Variants in IGF2BP1 observed in about 807,000 individuals in gnomAD.
IGF2BP1 encodes insulin like growth factor 2 mRNA binding protein 1.
In IGF2BP1, 11 loss-of-function variants were observed where a neutral mutation model predicts 74.9. The ratio of observed to expected loss-of-function variants is 0.15; its 90% CI spans 0.09 to 0.24. The LOEUF (loss-of-function observed/expected upper bound fraction) is 0.24, where lower values mean the gene tolerates loss of function less well. IGF2BP1 is among the 10% of genes least tolerant of loss of function. The probability of loss-of-function intolerance (pLI) is 1.00; values close to 1 mark genes in which losing one functional copy is unlikely to be tolerated. For missense variants in IGF2BP1, 440 were observed against 757.4 expected (o/e 0.58, Z 4.92); for synonymous variants, 287 against 281.8 (o/e 1.02, Z -0.18).
chr17:48,997,670 TGGCCTA>T lies in IGF2BP1; in HGVS notation c.-73_-68del. Reference sequence around the variant, plus strand: ...TCCTGCCGCCGGCCTCTCCGCCTCTTGGCCTAGGAGGCTCGCCGCCCGCGCCCGCTC... The same window carrying T: ...TCCTGCCGCCGGCCTCTCCGCCTCTTGGAGGCTCGCCGCCCGCGCCCGCTC... On this transcript the variant is annotated 5_prime_UTR_variant, in exon 1 of 15. Transcript: ENST00000290341. This position sits in a 1 kb window ranked among gnomAD's most constrained non-coding sequence, Gnocchi z 4.8. 1 of 1,496,864 alleles carries T rather than the reference TGGCCTA, an allele frequency of 6.7e-7. No individual in the cohort carries two copies. Among genetic ancestry groups the T allele is most frequent in the Non-Finnish European group, 9.1e-7 (1 of 1,099,976 alleles). 92.7% of individuals were successfully genotyped at this position (1,496,864 alleles called of 1,614,324 possible).
intron 2 of IGF2BP1, chr17:49,012,864 G>A (rs145356950): frequency 6.6e-6 from 1 of 152,154 alleles, no homozygotes; most frequent in East Asian, 1.9e-4. Flanking sequence ...CAAAGTATTG[G>A]GTTTACAGGC....
chr17:49,045,130 G>A (rs72833654), intron 12 of IGF2BP1, 65 bp downstream of exon 12: 90,335 of 1,395,832 alleles, frequency 0.065, 3,485 homozygotes, highest in Non-Finnish European at 0.078. Context: ...TTCCCCTGAG[G>A]TAGGAAAAAG....
chr17:48,998,912 A>G (rs2041445646), intron 1 of IGF2BP1, among the ~76,000 whole-genome samples, 197 bp from the exon 2 acceptor site: 1 of 152,150 alleles, frequency 6.6e-6, no homozygotes, highest in Admixed American at 6.5e-5. Context: ...TAAAAAATGA[A>G]TAATAACGAA....
chr17:49,046,635 A>G (rs116440021), intron 14 of IGF2BP1, among the ~76,000 whole-genome samples: 12,520 of 149,246 alleles, frequency 0.084, 605 homozygotes, highest in Non-Finnish European at 0.11. Flanking sequence ...ATATATATAA[A>G]TAACATATAT....
chr17:49,024,281 A>G (rs1301890017), intron 2 of IGF2BP1, among the ~76,000 whole-genome samples: 3 of 151,884 alleles, frequency 2.0e-5, no homozygotes, highest in Non-Finnish European at 4.4e-5. Flanking sequence ...GCATAGTGGC[A>G]TGCGCATGTG....
chr17:49,031,528 C>T (rs1298458424), intron 4 of IGF2BP1, among the ~76,000 whole-genome samples: 3 of 151,304 alleles, frequency 2.0e-5, no homozygotes, highest in Non-Finnish European at 2.9e-5. Flanking sequence ...GTGGAATCTC[C>T]CTCTGTTGCC....
Position 49,038,244 on chromosome 17 carries a change from G to A in IGF2BP1, c.478G>A (p.Ala160Thr). 1 of 1,595,384 alleles carries A rather than the reference G, an allele frequency of 6.3e-7. No individual in the cohort carries two copies. Among genetic ancestry groups the A allele is most frequent in the South Asian group, 1.1e-5 (1 of 88,090 alleles). ...CTCCTACATCCCCGATGAGCAGATA[G>A]CACAGGGACCTGAGAATGGGCGCCG... ...KVSYIPDEQI[A>T]QGPENGRRGG... Residue 160 changes from alanine to threonine, a missense_variant, in exon 6 of 15, where the codon GCA (alanine) becomes ACA (threonine). Transcript: ENST00000290341.
rs867369958 is a variant in IGF2BP1, at chr17:49,046,317, C to T, written c.1585C>T (p.Pro529Ser). The change falls in exon 14 of 15, where the codon CCT (proline) becomes TCT (serine). Residue 529 changes from proline (P) to serine (S), a missense_variant. By Grantham distance (74) the Pro-to-Ser change is moderately conservative. This residue lies in a region of IGF2BP1 where 117 missense variants were observed against 237.2 expected (regional missense o/e 0.49). Transcript: ENST00000290341. ...AEVVVPRDQT[P>S]DENDQVIVKI... is the part of the protein sequence containing the mutation. Reference sequence around the variant, plus strand: ...GGTGGTAGTACCAAGAGACCAGACCCCTGATGAGAACGACCAGGTCATCGT... The same window carrying T: ...GGTGGTAGTACCAAGAGACCAGACCTCTGATGAGAACGACCAGGTCATCGT... 6.2e-7 allele frequency: 1 copy of T among 1,614,016 alleles called. No individual in the cohort carries two copies. Among genetic ancestry groups the T allele is most frequent in the Non-Finnish European group, 8.5e-7 (1 of 1,180,034 alleles).
intron 6 of IGF2BP1, 103 bp downstream of exon 6, chr17:49,038,552 T>C (rs112596187): frequency 1.7e-6 from 2 of 1,199,466 alleles, no homozygotes; most frequent in Middle Eastern, 2.6e-4. Context: ...ACATTTACCT[T>C]TTAGGAAATG....
chr17:49,049,266 T>C lies in IGF2BP1; in HGVS notation c.1642-86T>C, dbSNP rs530055212. The C allele has an allele frequency of 4.4e-5, 46 of 1,053,492 alleles. No individual in the cohort carries two copies. The African/African-American group carries it at 6.1e-4, about 14-fold the overall frequency. The allele number at this position is 1,053,492 out of a possible 1,614,324, so 65.3% of individuals were successfully genotyped here. On this transcript the variant is annotated intron_variant, in intron 14 of 14. Coordinates refer to ENST00000290341, the MANE Select transcript of IGF2BP1 (RefSeq NM_006546.4). ...TGTGTGACCTGTTCTGTTTATTGCC[T>C]GTGTCTGGACCTGATGACCTCTCTT... is the stretch of plus-strand genomic sequence containing the variant.
At chr17:49,033,055 G>A (rs957707579) in intron 5 of IGF2BP1, among the ~76,000 whole-genome samples, 1 of 152,166 alleles carries the variant, frequency 6.6e-6, no homozygotes, top group Non-Finnish European at 1.5e-5. Context: ...CAAGTGATCC[G>A]CTTGCCTTGG....
intron 13 of IGF2BP1, 91 bp from the exon 14 acceptor site, chr17:49,046,169 A>G (rs902196115): frequency 2.8e-6 from 4 of 1,441,604 alleles, no homozygotes; most frequent in Non-Finnish European, 2.9e-6. Context: ...TGACTCTTCC[A>G]GGTTCTCCCC....
chr17:49,027,839 G>A (rs909794174), intron 4 of IGF2BP1, among the ~76,000 whole-genome samples: 9 of 124,154 alleles, frequency 7.2e-5, no homozygotes, highest in South Asian at 6.0e-4. Context: ...GCGAAAGAGC[G>A]AGACTCTGTC....
intron 12 of IGF2BP1, among the ~76,000 whole-genome samples, chr17:49,045,424 A>C (rs541854575): frequency 1.9e-4 from 29 of 152,312 alleles, no homozygotes; most frequent in African/African-American, 6.5e-4. Flanking sequence ...CAGACAGCCA[A>C]AAAATGAACC....
In IGF2BP1 at chr17:49,050,035, T is replaced by A. The variant is rs751459647; in HGVS notation, c.*591T>A. On this transcript the variant is annotated 3_prime_UTR_variant, in exon 15 of 15. Transcript: ENST00000290341. ...GTCAGTATCTGTAGATTAATTCCAA[T>A]CACTCCCTAACCAATAGGTACAATA... 6.5e-5 allele frequency: 10 copies of A among 152,794 alleles called. No homozygotes were observed. The highest frequency in any genetic ancestry group is 1.3e-4 in the Non-Finnish European group (9 of 68,328). The allele number at this position is 152,794 out of a possible 1,614,324, so 9.5% of individuals were successfully genotyped here.
chr17:49,044,931 T>C, intron 11 of IGF2BP1, 60 bp from the exon 12 acceptor site: 4 of 1,398,208 alleles, frequency 2.9e-6, no homozygotes, highest in Non-Finnish European at 4.1e-6. Flanking sequence ...CTGGATGAAG[T>C]GGACATGGTG....
At position 49,054,382 on chromosome 17, in the gene IGF2BP1, C is replaced by T. The variant is rs2042202042; in HGVS notation, c.*4938C>T. On this transcript the variant is annotated 3_prime_UTR_variant, in exon 15 of 15. Transcript: ENST00000290341. The stretch of plus-strand genomic sequence containing the variant: ...AATGGATTAACTACCTCAATCCTTA[C>T]AGTAAGATTGGAACTAAGGGCAGGG... 6.5e-6 allele frequency: 1 copy of T among 152,696 alleles called. No individual in the cohort carries two copies. Among genetic ancestry groups the T allele is most frequent in the Admixed American group, 6.5e-5 (1 of 15,288 alleles). The allele number at this position is 152,696 out of a possible 1,614,324, so 9.5% of individuals were successfully genotyped here.
At chr17:49,020,293 C>T (rs939444294) in intron 2 of IGF2BP1, among the ~76,000 whole-genome samples, 5 of 152,034 alleles carry the variant, frequency 3.3e-5, no homozygotes, top group Admixed American at 2.6e-4. Flanking sequence ...CCACCCACCT[C>T]GGTCTCCCAG....
chr17:49,035,338 A>G (rs1228216765), intron 5 of IGF2BP1, among the ~76,000 whole-genome samples: 1 of 152,278 alleles, frequency 6.6e-6, no homozygotes, highest in Non-Finnish European at 1.5e-5. Context: ...GCTGTAAGGT[A>G]GGCAGGGCAC....
Sources: allele counts gnomAD v4.1 joint callset (sites outside exome capture counted in the v4.1 genomes callset), GRCh38; gene constraint gnomAD v4.1.1; regional missense constraint gnomAD v4.1.1; non-coding constraint Gnocchi (gnomAD v3.1); transcripts MANE v1.5; gene names NCBI Gene and HGNC (gene_info 2026-07-23, HGNC 2026-07-21).